ATP6V0D1: variants seen among roughly 807,000 people sequenced by gnomAD.
ATP6V0D1 encodes ATPase H+ transporting V0 subunit d1, also known as V-type proton ATPase subunit d 1.
Under a neutral mutation model 39.0 loss-of-function variants are expected in ATP6V0D1, and 13 were observed. The observed-to-expected ratio is 0.33, with a 90% CI of 0.22 to 0.53. The LOEUF is 0.53. Ranked by LOEUF, ATP6V0D1 falls within the 20% of genes least tolerant of loss-of-function variation. The probability of loss-of-function intolerance (pLI) is 0.94; values close to 1 mark genes in which losing one functional copy is unlikely to be tolerated. For synonymous variants in ATP6V0D1, 191 were observed against 191.2 expected (o/e 1.00, Z 0.01); for missense variants, 272 against 470.9 (o/e 0.58, Z 3.91).
rs148076758 is a variant in ATP6V0D1 at position 67,438,853 on chromosome 16, G to A, written c.834C>T (p.Phe278=). Residue 278 remains phenylalanine (F), a synonymous_variant, in exon 7 of 8, where the codon TTC becomes TTT. Coordinates refer to ENST00000290949, the MANE Select transcript of ATP6V0D1 (RefSeq NM_004691.5). The part of the protein sequence containing the change: ...ADYYPEYKLL[F]EGAGSNPGDK... ...CTCCAGGGTTGCTACCTGCACCCTC[G>A]AAGAGCAGCTTGTACTCCTGGCCAG... 12 of 1,611,486 alleles carry A rather than the reference G, an allele frequency of 7.4e-6. No homozygotes were observed. The highest frequency in any genetic ancestry group is 9.3e-6 in the Non-Finnish European group (11 of 1,179,396).
chr16:67,466,176 T>C (rs1457627328), intron 1 of ATP6V0D1, among the ~76,000 whole-genome samples: 1 of 152,136 alleles, frequency 6.6e-6, no homozygotes, highest in Non-Finnish European at 1.5e-5. Flanking sequence ...TATGCAGGAA[T>C]GTCTCATAAA....
chr16:67,443,055 A>G lies in ATP6V0D1; in HGVS notation c.561+44T>C, dbSNP rs775076281. On this transcript the variant is annotated intron_variant, in intron 4 of 7. Transcript: ENST00000290949. ...CCACCCTACCACTTCCCACAGCCCC[A>G]CCCACCGACAGGCCAATCCCCCATG... The G allele has an allele frequency of 5.0e-6, 8 of 1,600,762 alleles. No individual in the cohort carries two copies. The East Asian group carries it at 1.3e-4, about 27-fold the overall frequency.
chr16:67,459,364 C>CCCTG, intron 1 of ATP6V0D1: 4 of 701,186 alleles, frequency 5.7e-6, no homozygotes, highest in South Asian at 6.4e-5. Flanking sequence ...GGACCATTGC[C>CCCTG]CTGGCTCCAG....
chr16:67,460,493 T>C (rs1403566395), intron 1 of ATP6V0D1, among the ~76,000 whole-genome samples: 6 of 152,014 alleles, frequency 3.9e-5, no homozygotes, highest in Admixed American at 2.6e-4. Flanking sequence ...AGCCACAGCA[T>C]AGAAACCATT....
intron 1 of ATP6V0D1, chr16:67,459,007 C>T (rs770211901): frequency 1.0e-6 from 1 of 968,510 alleles, no homozygotes; most frequent in Non-Finnish European, 1.2e-6. Context: ...TTCGCTGTCA[C>T]CTTCACCCAG....
At chr16:67,459,593 G>A (rs1272785434) in intron 1 of ATP6V0D1, among the ~76,000 whole-genome samples, 5 of 152,254 alleles carry the variant, frequency 3.3e-5, no homozygotes, top group Admixed American at 3.3e-4. Context: ...CAAAGTATGG[G>A]CTTGGCAGCT....
intron 1 of ATP6V0D1, among the ~76,000 whole-genome samples, chr16:67,454,348 G>A (rs1026000992): frequency 6.6e-6 from 1 of 152,190 alleles, no homozygotes. Flanking sequence ...GGTGAGGCTG[G>A]CAGGAAAGAC....
At chr16:67,472,801 C>T (rs941597057) in intron 1 of ATP6V0D1, among the ~76,000 whole-genome samples, 1 of 152,056 alleles carries the variant, frequency 6.6e-6, no homozygotes, top group Non-Finnish European at 1.5e-5. Context: ...ACCCAGGAGG[C>T]GGAGCTTGCA....
intron 1 of ATP6V0D1, among the ~76,000 whole-genome samples, chr16:67,464,552 CCAGTGAGACCAGT>C (rs1418943050): frequency 6.6e-6 from 1 of 152,222 alleles, no homozygotes; most frequent in East Asian, 1.9e-4. Context: ...TCAGGGGCTC[CCAGTGAGACCAGT>C]GGCCTGGATA....
At chr16:67,452,346 G>C in intron 2 of ATP6V0D1, 2 of 1,535,702 alleles carry the variant, frequency 1.3e-6, no homozygotes, top group South Asian at 1.2e-5. Context: ...AGGTGTCCCA[G>C]CCTCTGACTC....
chr16:67,444,381 G>T lies in ATP6V0D1; in HGVS notation c.481+147C>A. On this transcript the variant is annotated intron_variant, in intron 3 of 7. Transcript: ENST00000290949. This position sits in a 1 kb window ranked among gnomAD's most constrained non-coding sequence, Gnocchi z 4.8. ...GTGAAGTGAGGAGAGAATCGGAGGAGGAAGTTGAAGGGAGACAAAGGTAAG... is the reference window on the plus strand; with the variant it reads ...GTGAAGTGAGGAGAGAATCGGAGGATGAAGTTGAAGGGAGACAAAGGTAAG... 1.2e-6 allele frequency: 1 copy of T among 821,446 alleles called. No homozygotes were observed. The highest frequency in any genetic ancestry group is 1.8e-6 in the Non-Finnish European group (1 of 545,760). The allele number at this position is 821,446 out of a possible 1,614,324, so 50.9% of individuals were successfully genotyped here. A position where few individuals can be genotyped will look rare whatever the true frequency, so the allele number is the denominator to read the frequency against.
rs112248294 is a variant in ATP6V0D1, at chr16:67,467,494, A to T, written c.130+13463T>A. 4.3e-3 allele frequency among the ~76,000 whole-genome samples: 653 copies of T among 151,048 alleles called. 3 individuals are homozygous for T. The highest frequency in any genetic ancestry group is 0.015 in the African/African-American group (623 of 41,084). ...CACTCCAGCCTGGCAACAGAGTGAG[A>T]CTCTGTCTCAAAAAAAAAAAAGAGC... On this transcript the variant is annotated intron_variant, in intron 1 of 7. Transcript: ENST00000290949.
At chr16:67,469,678 A>G (rs2041357813) in intron 1 of ATP6V0D1, among the ~76,000 whole-genome samples, 1 of 152,244 alleles carries the variant, frequency 6.6e-6, no homozygotes, top group African/African-American at 2.4e-5. Context: ...TCTCCAGCAC[A>G]GGCCTCAGCT....
intron 4 of ATP6V0D1, chr16:67,441,462 G>A (rs915548688): frequency 2.6e-5 from 4 of 152,288 alleles, no homozygotes; most frequent in African/African-American, 7.2e-5. Context: ...AGTCAGGCCC[G>A]GTGAGGGCAT....
In ATP6V0D1 at chr16:67,456,784, T is replaced by G. The variant is rs1445927043; in HGVS notation, c.131-3069A>C. On this transcript the variant is annotated intron_variant, in intron 1 of 7. Coordinates refer to ENST00000290949, the MANE Select transcript of ATP6V0D1 (RefSeq NM_004691.5). The surrounding 1 kb of genome is among the most constrained non-coding windows in gnomAD (Gnocchi z 4.1). ...GCACTCCTGCCAGTGACTCCACTATTCCCTGGGACTGGGAGTCTGGACCCC... is the reference window on the plus strand; with the variant it reads ...GCACTCCTGCCAGTGACTCCACTATGCCCTGGGACTGGGAGTCTGGACCCC... The G allele has an allele frequency of 6.6e-6, 1 of 152,360 alleles. No homozygotes were observed. The highest frequency in any genetic ancestry group is 1.9e-4 in the East Asian group (1 of 5,210). The allele number at this position is 152,360 out of a possible 1,614,324, so 9.4% of individuals were successfully genotyped here.
Position 67,453,598 on chromosome 16 carries a change from C to T in ATP6V0D1, c.248G>A (p.Arg83His), listed in dbSNP as rs1355137002. ...RLKEKMVVEF[R>H]HMRNHAYEPL... ...CTCATAGGCATGGTTCCTCATGTGG[C>T]GGAACTCCACCACCATCTTCTCCTT... The change falls in exon 2 of 8, where the codon CGC (arginine) becomes CAC (histidine). Residue 83 changes from arginine to histidine, a missense_variant. Physicochemically the swap from Arg to His is conservative, Grantham distance 29. Coordinates refer to ENST00000290949, the MANE Select transcript of ATP6V0D1 (RefSeq NM_004691.5). This position sits in a 1 kb window ranked among gnomAD's most constrained non-coding sequence, Gnocchi z 4.1. 7 of 1,614,044 alleles carry T rather than the reference C, an allele frequency of 4.3e-6. No homozygotes were observed. The highest frequency in any genetic ancestry group is 4.0e-5 in the African/African-American group (3 of 74,916).
Position 67,438,252 on chromosome 16 carries a change from C to CA in ATP6V0D1, c.*275dup. 2.0e-6 allele frequency: 1 copy of CA among 491,290 alleles called. No individual in the cohort carries two copies. Among genetic ancestry groups the CA allele is most frequent in the Non-Finnish European group, 3.7e-6 (1 of 272,308 alleles). 30.4% of individuals were successfully genotyped at this position (491,290 alleles called of 1,614,324 possible). ...AAAGTGACATGCTTCTTAGATACAT[C>CA]AGCGGCTGTAACCACAGGGCTGAGG... On this transcript the variant is annotated 3_prime_UTR_variant, in exon 8 of 8. Transcript: ENST00000290949.
At chr16:67,468,860 C>T (rs2142329715) in intron 1 of ATP6V0D1, among the ~76,000 whole-genome samples, 1 of 152,234 alleles carries the variant, frequency 6.6e-6, no homozygotes, top group Admixed American at 6.5e-5. Context: ...GGAAACCAGG[C>T]CCAAGAAATC....
chr16:67,453,636 G>A lies in ATP6V0D1; in HGVS notation c.210C>T (p.Ile70=), dbSNP rs762823560. 7.4e-6 allele frequency: 12 copies of A among 1,614,172 alleles called. No homozygotes were observed. The highest frequency in any genetic ancestry group is 1.1e-5 in the South Asian group (1 of 91,086). ...NEASPLTVSV[I]DDRLKEKMVV... ...CCATCTTCTCCTTGAGCCGGTCATC[G>A]ATGACTGACACCGTCAGAGGTGATG... The change falls in exon 2 of 8, where the codon ATC becomes ATT. Residue 70 remains isoleucine, a synonymous_variant. Coordinates refer to ENST00000290949, the MANE Select transcript of ATP6V0D1 (RefSeq NM_004691.5). This position sits in a 1 kb window ranked among gnomAD's most constrained non-coding sequence, Gnocchi z 4.1.
Sources: gnomAD v4.1 joint callset for allele counts (sites outside exome capture counted in the v4.1 genomes callset) on GRCh38, gnomAD v4.1.1 for gene constraint, Gnocchi (gnomAD v3.1) non-coding constraint, MANE v1.5 for transcripts, NCBI Gene and HGNC (gene_info 2026-07-23, HGNC 2026-07-21) for gene names.